The following CASK variants were observed in gnomAD, a reference collection of about 807,000 sequenced individuals.
CASK encodes the protein peripheral plasma membrane protein CASK.
Under a neutral mutation model 82.9 loss-of-function variants are expected in CASK, and 4 were observed. That is an observed-to-expected ratio of 0.05 (90% CI 0.02 to 0.11). CASK has a LOEUF of 0.11. Ranked by LOEUF, CASK falls within the 10% of genes least tolerant of loss-of-function variation. The probability of loss-of-function intolerance (pLI) is 1.00; values close to 1 mark genes in which losing one functional copy is unlikely to be tolerated. For missense variants in CASK, 358 were observed against 720.9 expected, an observed-to-expected ratio of 0.50 and a Z score of 5.76; for synonymous variants, 259 against 253.5, an observed-to-expected ratio of 1.02 and a Z score of -0.20.
At chrX:41,610,081 A>T in intron 11 of CASK, 56 bp from the exon 12 acceptor site, 1 of 1,125,980 alleles carries the variant, frequency 8.9e-7, no homozygotes, top group Non-Finnish European at 1.2e-6. Flanking sequence ...TGTCAAACTA[A>T]CTTTTTAAAC....
chrX:41,596,385 AG>A (rs1287963483), intron 12 of CASK, among the ~76,000 whole-genome samples: 1 of 112,188 alleles, frequency 8.9e-6, no homozygotes, highest in East Asian at 2.8e-4. Context: ...TTACAAAAAC[AG>A]GTGGCCAGCT....
Position 41,520,399 on chromosome X carries a change from C to T in CASK, c.*21G>A. ...CACAAATGAGGTGCTCCCAGTTATG[C>T]TCAGATATCTGGGGAGAGGCCTAAT... On this transcript the variant is annotated 3_prime_UTR_variant, in exon 27 of 27. Transcript: ENST00000378163. The T allele has an allele frequency of 8.5e-7, 1 of 1,176,017 alleles. No homozygotes were observed. Among genetic ancestry groups the T allele is most frequent in the South Asian group, 1.8e-5 (1 of 55,776 alleles).
intron 1 of CASK, among the ~76,000 whole-genome samples, chrX:41,894,597 T>TAAAAAAAAAAA (rs1209248352): frequency 7.4e-5 from 3 of 40,485 alleles, no homozygotes; most frequent in Non-Finnish European, 1.4e-4. Flanking sequence ...ACCCAAATAT[T>TAAAAAAAAAAA]AAAAAAAAAA....
At position 41,578,350 on chromosome X, in the gene CASK, T is replaced by C. The variant is rs1409442804; in HGVS notation, c.1493A>G (p.Asp498Gly). ...VRLVQFQKNT[D>G]EPMGITLKMN... ...TCTCTTCCTACTTACCATTGGTTCA[T>C]CTGTGTTCTTTTGAAACTGTACCAG... The change falls in exon 15 of 27, where the codon GAT becomes GGT. Residue 498 changes from aspartate to glycine, a missense_variant. Around this residue, in one of 5 missense-constraint regions of CASK, gnomAD observed 110 missense variants for 218.8 expected, o/e 0.50. Coordinates refer to ENST00000378163, the MANE Select transcript of CASK (RefSeq NM_001367721.1). The C allele has an allele frequency of 5.0e-6, 6 of 1,200,200 alleles. No homozygotes were observed. The highest frequency in any genetic ancestry group is 6.8e-6 in the Non-Finnish European group (6 of 886,832).
chrX:41,912,790 T>TTATATATATA lies in CASK; in HGVS notation c.59+10130_59+10139dup, dbSNP rs202164173. Among the ~76,000 whole-genome samples the TTATATATATA allele has an allele frequency of 6.6e-3, 642 of 97,907 alleles. 4 individuals carry two copies. The highest frequency in any genetic ancestry group is 0.022 in the Middle Eastern group (4 of 186). 85.0% of individuals were successfully genotyped at this position (97,907 alleles called of 115,157 possible). ...TCTCTCCTTCCCTCTTGCAAGTAAT[T>TTATATATATA]TATATATATATATATATAAAATATA... On this transcript the variant is annotated intron_variant, in intron 1 of 26. Transcript: ENST00000378163.
At chrX:41,829,628 TGGGG>T (rs1569461832) in intron 2 of CASK, among the ~76,000 whole-genome samples, 1 of 6,153 alleles carries the variant, frequency 1.6e-4, no homozygotes, top group Non-Finnish European at 2.3e-4. Context: ...TTTGGGGGGG[TGGGG>T]GTGAACATAT....
At chrX:41,723,974 T>C (rs1442665655) in intron 5 of CASK, among the ~76,000 whole-genome samples, 1 of 112,068 alleles carries the variant, frequency 8.9e-6, no homozygotes, top group Non-Finnish European at 1.9e-5. Flanking sequence ...AAACAAAGGT[T>C]ACTGGAGTGT....
intron 14 of CASK, among the ~76,000 whole-genome samples, chrX:41,583,682 A>G (rs2065615413): frequency 9.2e-6 from 1 of 108,498 alleles, no homozygotes; most frequent in African/African-American, 3.4e-5. Flanking sequence ...CCTGACCTCA[A>G]ATGACTCTCA....
intron 5 of CASK, chrX:41,727,008 T>G (rs1459993297): frequency 9.7e-7 from 1 of 1,029,035 alleles, no homozygotes; most frequent in Non-Finnish European, 1.3e-6. Context: ...GTGACAAAAT[T>G]CAAGAAAACC....
intron 3 of CASK, among the ~76,000 whole-genome samples, chrX:41,766,148 C>G (rs2069111179): frequency 8.9e-6 from 1 of 111,953 alleles, no homozygotes; most frequent in Admixed American, 9.5e-5. Context: ...AAGCTTGTGG[C>G]AAAACCACAA....
Position 41,517,282 on chromosome X carries a change from G to T in CASK, c.*3138C>A, listed in dbSNP as rs1164424818. On this transcript the variant is annotated 3_prime_UTR_variant, in exon 27 of 27. Coordinates refer to ENST00000378163, the MANE Select transcript of CASK (RefSeq NM_001367721.1). ...GGACGATGCCTTCTGAATGCAAATAGCAAGAAGTAGGTCAACCATTTGTTT... is the reference window on the plus strand; with the variant it reads ...GGACGATGCCTTCTGAATGCAAATATCAAGAAGTAGGTCAACCATTTGTTT... 1 of 117,264 alleles carries T rather than the reference G, an allele frequency of 8.5e-6. No homozygotes were observed. 9.7% of individuals were successfully genotyped at this position (117,264 alleles called of 1,213,427 possible). A position where few individuals can be genotyped will look rare whatever the true frequency, so the allele number is the denominator to read the frequency against.
chrX:41,528,047 G>C (rs2064739389), intron 25 of CASK, among the ~76,000 whole-genome samples: 1 of 112,528 alleles, frequency 8.9e-6, no homozygotes, highest in Admixed American at 9.4e-5. Flanking sequence ...GGGTGGTACA[G>C]TGAAAGGAAG....
chrX:41,608,433 G>A (rs1462061541), intron 12 of CASK, among the ~76,000 whole-genome samples: 1 of 111,835 alleles, frequency 8.9e-6, no homozygotes, highest in Non-Finnish European at 1.9e-5. Context: ...ATGCTCTGTA[G>A]AACACATTCT....
chrX:41,782,455 TA>T (rs1484964136), intron 3 of CASK, among the ~76,000 whole-genome samples: 1 of 112,093 alleles, frequency 8.9e-6, no homozygotes, highest in Non-Finnish European at 1.9e-5. Flanking sequence ...CATACAAAAT[TA>T]GTTACATAAA....
intron 1 of CASK, among the ~76,000 whole-genome samples, chrX:41,870,539 T>C (rs1469729194): frequency 8.9e-6 from 1 of 111,958 alleles, no homozygotes; most frequent in Non-Finnish European, 1.9e-5. Flanking sequence ...AAAACATAAA[T>C]ATGTGAATGA....
chrX:41,611,604 C>G (rs1434086679), intron 11 of CASK, among the ~76,000 whole-genome samples: 2 of 96,731 alleles, frequency 2.1e-5, no homozygotes, highest in African/African-American at 7.7e-5. Context: ...AGCAGCTCTC[C>G]CTCTCCCTCT....
intron 5 of CASK, among the ~76,000 whole-genome samples, chrX:41,731,657 A>G (rs1196237618): frequency 1.8e-5 from 2 of 112,021 alleles, no homozygotes; most frequent in Non-Finnish European, 3.8e-5. Flanking sequence ...CATCATGGAT[A>G]TCTTTACACC....
rs146242888 is a variant in CASK at position 41,846,186 on chromosome X, C to G, written c.172+6929G>C. Among the ~76,000 whole-genome samples the G allele has an allele frequency of 9.7e-3, 1,077 of 111,377 alleles. 14 individuals carry two copies. The highest frequency in any genetic ancestry group is 0.033 in the African/African-American group (998 of 30,625). Reference sequence around the variant, plus strand: ...TGGAATCAACCTAAGTGTCCATCAACAGATGAATAGATAAAGAAAATGTGG... The same window carrying G: ...TGGAATCAACCTAAGTGTCCATCAAGAGATGAATAGATAAAGAAAATGTGG... On this transcript the variant is annotated intron_variant, in intron 2 of 26. Transcript: ENST00000378163.
intron 2 of CASK, among the ~76,000 whole-genome samples, chrX:41,840,870 C>A (rs1484301692): frequency 2.7e-5 from 3 of 111,904 alleles, no homozygotes; most frequent in Non-Finnish European, 5.6e-5. Context: ...GTTTTGCATA[C>A]CTTTAATTCC....
Sources: allele counts gnomAD v4.1 joint callset (sites outside exome capture counted in the v4.1 genomes callset), GRCh38; gene constraint gnomAD v4.1.1; regional missense constraint gnomAD v4.1.1; transcripts MANE v1.5; gene names NCBI Gene and HGNC (gene_info 2026-07-23, HGNC 2026-07-21).